DGCR2: variants seen among roughly 807,000 people sequenced by gnomAD.
DGCR2 encodes DiGeorge syndrome critical region gene 2, also known as integral membrane protein DGCR2/IDD.
In DGCR2, 24 loss-of-function variants were observed where a neutral mutation model predicts 51.6. The ratio of observed to expected loss-of-function variants is 0.47; its 90% CI spans 0.34 to 0.65. The LOEUF (loss-of-function observed/expected upper bound fraction) is 0.65, where lower values mean the gene tolerates loss of function less well. Ranked by LOEUF, DGCR2 falls within the 30% of genes least tolerant of loss-of-function variation. The probability of loss-of-function intolerance (pLI) is 0.01; values close to 1 mark genes in which losing one functional copy is unlikely to be tolerated. For synonymous variants in DGCR2, 340 were observed against 315.4 expected, an observed-to-expected ratio of 1.08 and a Z score of -0.82; for missense variants, 765 against 772.1, an observed-to-expected ratio of 0.99 and a Z score of 0.11.
chr22:19,083,636 C>T (rs912600113), intron 2 of DGCR2, among the ~76,000 whole-genome samples: 2 of 151,906 alleles, frequency 1.3e-5, no homozygotes, highest in Admixed American at 6.6e-5. Flanking sequence ...AAATTTTACA[C>T]ATCTTTTGTT....
intron 6 of DGCR2, among the ~76,000 whole-genome samples, chr22:19,054,597 A>G (rs1372057962): frequency 6.6e-6 from 1 of 152,134 alleles, no homozygotes; most frequent in African/African-American, 2.4e-5. Context: ...ATAATACAGA[A>G]ATGAGTCAAT....
At chr22:19,059,686 C>A (rs2082639620) in intron 5 of DGCR2, among the ~76,000 whole-genome samples, 1 of 152,110 alleles carries the variant, frequency 6.6e-6, no homozygotes. Context: ...TCCCATATGT[C>A]CACACATGAG....
At chr22:19,102,342 T>C (rs551066963) in intron 1 of DGCR2, among the ~76,000 whole-genome samples, 17 of 152,288 alleles carry the variant, frequency 1.1e-4, no homozygotes, top group African/African-American at 4.1e-4. Flanking sequence ...TGGAAGTGGG[T>C]AATGGTGCTC....
chr22:19,074,677 A>T (rs1316342327), intron 2 of DGCR2, among the ~76,000 whole-genome samples: 6 of 152,100 alleles, frequency 3.9e-5, no homozygotes, highest in African/African-American at 1.4e-4. Context: ...GTTTGCTATT[A>T]AAAAAAAGAC....
Position 19,044,701 on chromosome 22 carries a change from C to A in DGCR2, c.1007-2742G>T, listed in dbSNP as rs560456941. Among the ~76,000 whole-genome samples, 360 of 152,342 alleles carry A rather than the reference C, an allele frequency of 2.4e-3. 1 individual carries two copies. Among genetic ancestry groups the A allele is most frequent in the African/African-American group, 8.2e-3 (340 of 41,576 alleles). The stretch of plus-strand genomic sequence containing the variant: ...CCTTTCGAGCAGGGGTGGTACCCCA[C>A]GTGGATTTAGTTTGTTTCCCTAATG... On this transcript the variant is annotated intron_variant, in intron 7 of 9. Coordinates refer to ENST00000263196, the MANE Select transcript of DGCR2 (RefSeq NM_005137.3).
intron 6 of DGCR2, among the ~76,000 whole-genome samples, chr22:19,052,098 C>A (rs1369105417): frequency 6.6e-6 from 1 of 152,156 alleles, no homozygotes; most frequent in Non-Finnish European, 1.5e-5. Flanking sequence ...AACTGTAATC[C>A]TGGGCATCTA....
chr22:19,122,189 G>C lies in DGCR2; in HGVS notation c.18C>G (p.Asp6Glu). MVPKA[D>E]SGAFLLLFLL... ...GGAAGAGCAGCAGGAAGGCGCCGCT[G>C]TCTGCCTTGGGCACCATTTATCCTC... Residue 6 changes from aspartate to glutamate, a missense_variant, in exon 1 of 10, where the codon GAC (aspartate) becomes GAG (glutamate). By Grantham distance (45) the Asp-to-Glu change is conservative. Around this residue, in one of 3 missense-constraint regions of DGCR2, gnomAD observed 370 missense variants for 325.5 expected, o/e 1.14. Coordinates refer to ENST00000263196, the MANE Select transcript of DGCR2 (RefSeq NM_005137.3). The C allele has an allele frequency of 6.6e-7, 1 of 1,510,608 alleles. No individual in the cohort carries two copies. Among genetic ancestry groups the C allele is most frequent in the South Asian group, 1.2e-5 (1 of 80,528 alleles). The allele number at this position is 1,510,608 out of a possible 1,614,324, so 93.6% of individuals were successfully genotyped here.
intron 6 of DGCR2, among the ~76,000 whole-genome samples, chr22:19,049,103 C>T (rs1240402019): frequency 6.6e-6 from 1 of 152,246 alleles, no homozygotes; most frequent in Non-Finnish European, 1.5e-5. Context: ...AGCACAATGC[C>T]AGACTCCAGG....
intron 1 of DGCR2, among the ~76,000 whole-genome samples, chr22:19,112,940 TG>T (rs1173132163): frequency 1.4e-5 from 2 of 144,626 alleles, no homozygotes; most frequent in Non-Finnish European, 1.5e-5. Context: ...GAAACTATTC[TG>T]GGTGCAGTGT....
chr22:19,101,148 T>C (rs2083197793), intron 1 of DGCR2, among the ~76,000 whole-genome samples: 2 of 152,116 alleles, frequency 1.3e-5, no homozygotes, highest in Non-Finnish European at 2.9e-5. Context: ...CACAAGAATC[T>C]GAAGCACCTG....
chr22:19,104,389 TCTC>T (rs569714046), intron 1 of DGCR2, among the ~76,000 whole-genome samples: 74,945 of 152,008 alleles, frequency 0.49, 19,629 homozygotes, highest in African/African-American at 0.68. Context: ...TTCAAGGCTG[TCTC>T]AAACTGAGCT....
rs533366527 is a variant in DGCR2 at position 19,072,046 on chromosome 22, C to T, written c.203-3821G>A. ...GAAATTATTCATATTAAAAGGTGGG[C>T]GCAGGGACAAGGCAGGTGGACACAC... On this transcript the variant is annotated intron_variant, in intron 2 of 9. Coordinates refer to ENST00000263196, the MANE Select transcript of DGCR2 (RefSeq NM_005137.3). Among the ~76,000 whole-genome samples the T allele has an allele frequency of 1.3e-4, 19 of 151,978 alleles. No individual in the cohort carries two copies. The South Asian group carries it at 2.9e-3, about 23-fold the overall frequency.
intron 5 of DGCR2, among the ~76,000 whole-genome samples, chr22:19,058,742 C>T (rs773528532): frequency 5.3e-5 from 8 of 152,230 alleles, no homozygotes; most frequent in Non-Finnish European, 1.0e-4. Flanking sequence ...ATGACCTCTC[C>T]GGGCAGAGTC....
In DGCR2 at chr22:19,065,178, G is replaced by A. The variant is rs2082734780; in HGVS notation, c.329-111C>T. On this transcript the variant is annotated intron_variant, in intron 3 of 9. Coordinates refer to ENST00000263196, the MANE Select transcript of DGCR2 (RefSeq NM_005137.3). ...CCTTGTAAATCACCCTAGAGAAGTG[G>A]GGAAACTGAGGCTCAAGAGGACAAG... 4.5e-6 allele frequency: 4 copies of A among 893,952 alleles called. No individual in the cohort carries two copies. In the South Asian group the frequency reaches 4.9e-5, roughly 11 times the overall value. The allele number at this position is 893,952 out of a possible 1,614,324, so 55.4% of individuals were successfully genotyped here. A position where few individuals can be genotyped will look rare whatever the true frequency, so the allele number is the denominator to read the frequency against.
At position 19,063,232 on chromosome 22, in the gene DGCR2, A is replaced by G. The variant is rs2082706474; in HGVS notation, c.595T>C (p.Leu199=). The part of the protein sequence containing the change: ...QYVITGRNRS[L]EGRWEVAFKG... ...AATGCCACCTCCCAGCGACCTTCCAAGGAGCGGTTCCGGCCAGTGATAACA... is the reference window on the plus strand; with the variant it reads ...AATGCCACCTCCCAGCGACCTTCCAGGGAGCGGTTCCGGCCAGTGATAACA... Residue 199 remains leucine, a synonymous_variant, in exon 5 of 10, where the codon TTG becomes CTG. Coordinates refer to ENST00000263196, the MANE Select transcript of DGCR2 (RefSeq NM_005137.3). 3 of 1,614,094 alleles carry G rather than the reference A, an allele frequency of 1.9e-6. No individual in the cohort carries two copies. The highest frequency in any genetic ancestry group is 1.3e-5 in the African/African-American group (1 of 74,940).
intron 5 of DGCR2, chr22:19,061,069 AAT>A (rs1253338807): frequency 8.5e-6 from 2 of 235,550 alleles, no homozygotes; most frequent in Non-Finnish European, 1.8e-5. Flanking sequence ...TCTCAGGTAC[AAT>A]ATTTTCTTAG....
At chr22:19,066,229 C>T (rs1281913955) in intron 3 of DGCR2, among the ~76,000 whole-genome samples, 2 of 152,092 alleles carry the variant, frequency 1.3e-5, no homozygotes, top group Non-Finnish European at 2.9e-5. Context: ...GCGAAACCCC[C>T]TATCTACCGA....
intron 2 of DGCR2, among the ~76,000 whole-genome samples, chr22:19,074,201 G>C (rs552542771): frequency 6.6e-6 from 1 of 152,088 alleles, no homozygotes; most frequent in Non-Finnish European, 1.5e-5. Flanking sequence ...CGAGGCAGGC[G>C]ATCGCTTAAG....
rs762122249 is a variant in DGCR2 at position 19,050,045 on chromosome 22, C to CA, written c.803-1403dup. 3.7e-4 allele frequency among the ~76,000 whole-genome samples: 56 copies of CA among 149,892 alleles called. No homozygotes were observed. In the East Asian group the frequency reaches 8.4e-3, roughly 22 times the overall value. ...AATGGAGAGGAGAGAGAGAAAGAGG[C>CA]AAAAAAAAATTAGTCGAAGAACTAA... On this transcript the variant is annotated intron_variant, in intron 6 of 9. Transcript: ENST00000263196.
Sources: allele counts gnomAD v4.1 joint callset (sites outside exome capture counted in the v4.1 genomes callset), GRCh38; gene constraint gnomAD v4.1.1; regional missense constraint gnomAD v4.1.1; transcripts MANE v1.5; gene names NCBI Gene and HGNC (gene_info 2026-07-23, HGNC 2026-07-21).